The following EPB41L5 variants were observed in gnomAD, a reference collection of about 807,000 sequenced individuals.
EPB41L5 encodes band 4.1-like protein 5.
A neutral mutation model predicts 106.6 loss-of-function variants in EPB41L5; 55 were observed. The observed-to-expected ratio is 0.52, with a 90% confidence interval of 0.42 to 0.65. EPB41L5 has a LOEUF of 0.65. Among genes scored for constraint, EPB41L5 ranks in the 30% least tolerant of loss-of-function variants. EPB41L5 has a pLI of 0.00. For missense variants in EPB41L5, 871 were observed against 882.1 expected, an observed-to-expected ratio of 0.99 and a Z score of 0.16; for synonymous variants, 297 against 306.7, an observed-to-expected ratio of 0.97 and a Z score of 0.33.
rs142458983 is a variant in EPB41L5 at position 120,042,024 on chromosome 2, G to C, written c.199G>C (p.Glu67Gln). The C allele has an allele frequency of 1.2e-6, 2 of 1,611,270 alleles. No individual in the cohort carries two copies. The highest frequency in any genetic ancestry group is 1.7e-6 in the Non-Finnish European group (2 of 1,178,550). Residue 67 changes from glutamate to glutamine, a missense_variant, in exon 3 of 25, where the codon GAG (glutamate) becomes CAG (glutamine). Physicochemically the swap from Glu to Gln is conservative, Grantham distance 29. Transcript: ENST00000263713. ...VDLPKKAKGQ[E>Q]LFDQIMYHLD... is the part of the protein sequence containing the mutation. ...ATTTCAGAAAAAAGCCAAAGGACAA[G>C]AGTTGTTTGATCAGATTATGTACCA...
chr2:120,074,199 T>C, intron 5 of EPB41L5, 21 bp downstream of exon 5: 2 of 1,561,792 alleles, frequency 1.3e-6, no homozygotes, highest in Non-Finnish European at 1.8e-6. Context: ...CATCTAGAAT[T>C]GTGCCAGGGT....
chr2:120,104,216 C>G, intron 16 of EPB41L5: 1 of 1,535,664 alleles, frequency 6.5e-7, no homozygotes, highest in South Asian at 1.2e-5. Flanking sequence ...ATTTTCCTGG[C>G]CATACAGCCA....
At chr2:120,060,888 T>TA (rs1461060230) in intron 3 of EPB41L5, among the ~76,000 whole-genome samples, 1 of 152,198 alleles carries the variant, frequency 6.6e-6, no homozygotes, top group East Asian at 1.9e-4. Context: ...TATTTCATAA[T>TA]AAAACCTTAA....
chr2:120,080,342 C>A (rs1344766908), intron 10 of EPB41L5, among the ~76,000 whole-genome samples: 2 of 151,890 alleles, frequency 1.3e-5, no homozygotes, highest in Non-Finnish European at 2.9e-5. Flanking sequence ...CCACCGACGA[C>A]TGAGAACATG....
chr2:120,094,340 G>T (rs894577883), intron 14 of EPB41L5, among the ~76,000 whole-genome samples: 8 of 151,956 alleles, frequency 5.3e-5, no homozygotes, highest in Non-Finnish European at 1.0e-4. Flanking sequence ...TATCTTTCTA[G>T]AGTTTTATCT....
Position 120,164,066 on chromosome 2 carries a change from T to C in EPB41L5, c.1888-770T>C, listed in dbSNP as rs183670075. Among the ~76,000 whole-genome samples, 191 of 138,536 alleles carry C rather than the reference T, an allele frequency of 1.4e-3. 5 individuals are homozygous for C. In the East Asian group the frequency reaches 0.043, roughly 31 times the overall value. The allele number at this position is 138,536 out of a possible 152,430, so 90.9% of individuals were successfully genotyped here. ...GGCGCGATCTCGGCTCACTGCAACC[T>C]CCACCTCCCGGGTTCATGCCATTCT... On this transcript the variant is annotated intron_variant, in intron 21 of 24. Coordinates refer to ENST00000263713, the MANE Select transcript of EPB41L5 (RefSeq NM_020909.4).
chr2:120,036,341 G>A (rs569825077), intron 2 of EPB41L5, among the ~76,000 whole-genome samples: 2 of 152,266 alleles, frequency 1.3e-5, no homozygotes, highest in Admixed American at 1.3e-4. Flanking sequence ...GATTAACTGT[G>A]ATTTTCTCTT....
intron 3 of EPB41L5, among the ~76,000 whole-genome samples, chr2:120,056,548 C>G (rs1412194603): frequency 6.6e-6 from 1 of 152,108 alleles, no homozygotes; most frequent in African/African-American, 2.4e-5. Flanking sequence ...ATCCTTTTGC[C>G]TCAGCCTCCC....
chr2:120,088,611 G>C (rs1362760364), intron 11 of EPB41L5, among the ~76,000 whole-genome samples: 2 of 152,100 alleles, frequency 1.3e-5, no homozygotes, highest in African/African-American at 4.8e-5. Context: ...AAATAAAAAA[G>C]AGTGCTGCTC....
At chr2:120,059,132 G>A (rs1680859545) in intron 3 of EPB41L5, among the ~76,000 whole-genome samples, 1 of 152,174 alleles carries the variant, frequency 6.6e-6, no homozygotes, top group Non-Finnish European at 1.5e-5. Flanking sequence ...GAAAGAAATA[G>A]CCATACACAA....
intron 13 of EPB41L5, among the ~76,000 whole-genome samples, chr2:120,092,959 G>A (rs113509233): frequency 1.3e-5 from 2 of 152,252 alleles, no homozygotes; most frequent in African/African-American, 4.8e-5. Flanking sequence ...TTATGGTTGG[G>A]GCCAAATGTG....
chr2:120,044,835 A>C (rs913985590), intron 3 of EPB41L5, among the ~76,000 whole-genome samples: 1 of 152,210 alleles, frequency 6.6e-6, no homozygotes, highest in African/African-American at 2.4e-5. Context: ...AATTCAACTT[A>C]TAGGCTTCTG....
chr2:120,117,859 C>T (rs909573305), intron 16 of EPB41L5, among the ~76,000 whole-genome samples: 5 of 152,196 alleles, frequency 3.3e-5, no homozygotes, highest in Non-Finnish European at 5.9e-5. Context: ...GCCCCCTCCC[C>T]ATTTTTAAAC....
At chr2:120,124,281 TAC>T (rs955966015) in intron 16 of EPB41L5, among the ~76,000 whole-genome samples, 1 of 152,190 alleles carries the variant, frequency 6.6e-6, no homozygotes, top group Non-Finnish European at 1.5e-5. Context: ...CTGACCTTGG[TAC>T]ATTTTGGAGT....
intron 24 of EPB41L5, among the ~76,000 whole-genome samples, chr2:120,172,719 G>C (rs954774864): frequency 3.3e-5 from 5 of 152,262 alleles, no homozygotes; most frequent in Non-Finnish European, 4.4e-5. Context: ...AGGCAGTAGA[G>C]AGGTGCAGGG....
intron 15 of EPB41L5, 47 bp from the exon 16 acceptor site, chr2:120,100,652 T>A: frequency 7.6e-7 from 1 of 1,321,980 alleles, no homozygotes; most frequent in Non-Finnish European, 1.1e-6. Flanking sequence ...GGTGAAGAGA[T>A]CTGTTATCGA....
intron 2 of EPB41L5, among the ~76,000 whole-genome samples, chr2:120,039,022 A>G (rs1313439292): frequency 6.6e-6 from 1 of 152,242 alleles, no homozygotes; most frequent in Non-Finnish European, 1.5e-5. Flanking sequence ...ATATTTTGCA[A>G]TACGGATGAA....
intron 21 of EPB41L5, among the ~76,000 whole-genome samples, chr2:120,163,051 A>T (rs1687202047): frequency 6.6e-6 from 1 of 152,136 alleles, no homozygotes; most frequent in South Asian, 2.1e-4. Context: ...CAGGAGTTTG[A>T]GATGAGACTG....
At chr2:120,016,449 A>G (rs1435509966) in intron 1 of EPB41L5, among the ~76,000 whole-genome samples, 2 of 152,106 alleles carry the variant, frequency 1.3e-5, no homozygotes, top group Admixed American at 6.6e-5. Flanking sequence ...AGAATTAAAA[A>G]AATATTAATA....
Sources: gnomAD v4.1 joint callset for allele counts (sites outside exome capture counted in the v4.1 genomes callset) on GRCh38, gnomAD v4.1.1 for gene constraint, MANE v1.5 for transcripts, NCBI Gene and HGNC (gene_info 2026-07-23, HGNC 2026-07-21) for gene names.